The following GALNTL6 variants were observed in gnomAD, a reference collection of about 807,000 sequenced individuals.
GALNTL6 encodes polypeptide N-acetylgalactosaminyltransferase-like 6.
Under a neutral mutation model 73.7 loss-of-function variants are expected in GALNTL6, and 46 were observed. The ratio of observed to expected loss-of-function variants is 0.62; its 90% CI spans 0.49 to 0.80. The LOEUF (loss-of-function observed/expected upper bound fraction) is 0.80, where lower values mean the gene tolerates loss of function less well. GALNTL6 is among the 30% of genes least tolerant of loss of function. GALNTL6 has a pLI of 0.00. For synonymous variants in GALNTL6, 259 were observed against 263.7 expected, an observed-to-expected ratio of 0.98 and a Z score of 0.17; for missense variants, 604 against 755.0, an observed-to-expected ratio of 0.80 and a Z score of 2.34.
chr4:172,512,681 T>C (rs1034252883), intron 5 of GALNTL6, among the ~76,000 whole-genome samples: 1 of 152,154 alleles, frequency 6.6e-6, no homozygotes, highest in Non-Finnish European at 1.5e-5. Flanking sequence ...AAAAAGACTG[T>C]ATCTTTCCTT....
intron 5 of GALNTL6, among the ~76,000 whole-genome samples, chr4:172,462,561 G>T (rs970856180): frequency 6.6e-6 from 1 of 152,164 alleles, no homozygotes; most frequent in Non-Finnish European, 1.5e-5. Flanking sequence ...CTTAGGGAGT[G>T]TGCCTGCCAA....
chr4:171,892,366 G>A (rs74746148), intron 2 of GALNTL6, among the ~76,000 whole-genome samples: 3,025 of 152,100 alleles, frequency 0.02, 86 homozygotes, highest in African/African-American at 0.069. Context: ...CCTCTAAACA[G>A]GGACACATGT....
At chr4:172,443,574 G>A (rs1731916759) in intron 5 of GALNTL6, among the ~76,000 whole-genome samples, 2 of 152,018 alleles carry the variant, frequency 1.3e-5, no homozygotes, top group South Asian at 4.1e-4. Flanking sequence ...TAATAAAGTA[G>A]TAATATTATA....
Position 172,244,907 on chromosome 4 carries a change from T to A in GALNTL6, c.247+15143T>A, listed in dbSNP as rs569029296. ...CTTTTGCAAAAATCCCTTTCATGTG[T>A]TAGTAGTTGTGATTACTATCAAATT... On this transcript the variant is annotated intron_variant, in intron 3 of 12. Coordinates refer to ENST00000506823, the MANE Select transcript of GALNTL6 (RefSeq NM_001034845.3). 2.6e-5 allele frequency among the ~76,000 whole-genome samples: 4 copies of A among 152,322 alleles called. No individual in the cohort carries two copies. In the South Asian group the frequency reaches 8.3e-4, roughly 32 times the overall value.
intron 2 of GALNTL6, among the ~76,000 whole-genome samples, chr4:171,969,768 C>CT (rs34630281): frequency 0.44 from 63,549 of 143,766 alleles, 14,074 homozygotes; most frequent in Middle Eastern, 0.56. Flanking sequence ...CTCCAAACCA[C>CT]TTTTTTTTTT....
chr4:172,745,446 T>TATATATATATATAC (rs34523518), intron 5 of GALNTL6, among the ~76,000 whole-genome samples: 1 of 145,244 alleles, frequency 6.9e-6, no homozygotes, highest in African/African-American at 2.6e-5. Context: ...TATATATATG[T>TATATATATATATAC]ACACATAACT....
intron 2 of GALNTL6, among the ~76,000 whole-genome samples, chr4:172,057,943 A>T (rs1731079289): frequency 6.6e-6 from 1 of 151,256 alleles, no homozygotes; most frequent in Admixed American, 6.6e-5. Flanking sequence ...TTTTCCGCAC[A>T]TGTTTTTATT....
At chr4:171,901,778 GA>G (rs1336570411) in intron 2 of GALNTL6, among the ~76,000 whole-genome samples, 2 of 152,046 alleles carry the variant, frequency 1.3e-5, no homozygotes, top group Non-Finnish European at 2.9e-5. Context: ...TATTAATCAA[GA>G]TATCTTCTAA....
intron 3 of GALNTL6, among the ~76,000 whole-genome samples, chr4:172,289,997 C>G (rs1739406464): frequency 6.6e-6 from 1 of 152,106 alleles, no homozygotes; most frequent in Non-Finnish European, 1.5e-5. Context: ...GAGTTATTTT[C>G]CTAGGATTCA....
At chr4:172,567,465 A>G (rs1231952021) in intron 5 of GALNTL6, among the ~76,000 whole-genome samples, 1 of 152,224 alleles carries the variant, frequency 6.6e-6, no homozygotes, top group Non-Finnish European at 1.5e-5. Context: ...TTCACAAAAC[A>G]GCTTGCTTAT....
intron 5 of GALNTL6, among the ~76,000 whole-genome samples, chr4:172,732,620 T>C (rs142939324): frequency 5.4e-4 from 82 of 152,340 alleles, no homozygotes; most frequent in African/African-American, 1.8e-3. Context: ...TTTCTTACTG[T>C]CTTCCTTTTG....
At chr4:172,069,553 A>ATGTTATATATAACACATATGTG (rs1560909574) in intron 2 of GALNTL6, among the ~76,000 whole-genome samples, 1 of 17,630 alleles carries the variant, frequency 5.7e-5, no homozygotes, top group Non-Finnish European at 1.6e-4. Context: ...TAACACATAT[A>ATGTTATATATAACACATATGTG]TGTTATATAT....
chr4:171,996,080 C>T (rs2110747964), intron 2 of GALNTL6, among the ~76,000 whole-genome samples: 1 of 152,164 alleles, frequency 6.6e-6, no homozygotes, highest in South Asian at 2.1e-4. Flanking sequence ...CACTTGCTTA[C>T]ATAAACAGAA....
chr4:172,650,360 G>A (rs960063742), intron 5 of GALNTL6, among the ~76,000 whole-genome samples: 5 of 152,154 alleles, frequency 3.3e-5, no homozygotes, highest in South Asian at 2.1e-4. Flanking sequence ...GATAAAAGTC[G>A]CAATGTCACT....
chr4:172,422,089 A>G (rs536996856), intron 5 of GALNTL6, among the ~76,000 whole-genome samples: 2 of 152,230 alleles, frequency 1.3e-5, no homozygotes, highest in African/African-American at 2.4e-5. Context: ...AGCATTTCTG[A>G]AATAGCTTTT....
At chr4:171,841,968 G>A (rs1735249349) in intron 2 of GALNTL6, among the ~76,000 whole-genome samples, 1 of 151,932 alleles carries the variant, frequency 6.6e-6, no homozygotes, top group Non-Finnish European at 1.5e-5. Flanking sequence ...TTTCATGAAA[G>A]TATGTATATT....
At chr4:172,486,699 C>T (rs944867004) in intron 5 of GALNTL6, among the ~76,000 whole-genome samples, 4 of 152,200 alleles carry the variant, frequency 2.6e-5, no homozygotes, top group Non-Finnish European at 4.4e-5. Context: ...AAGAATTCTA[C>T]GCATATTTCC....
chr4:172,234,570 T>C (rs1367182438), intron 3 of GALNTL6, among the ~76,000 whole-genome samples: 1 of 152,184 alleles, frequency 6.6e-6, no homozygotes, highest in Non-Finnish European at 1.5e-5. Context: ...TTTGCATTTA[T>C]TAACATAGAT....
At position 171,930,328 on chromosome 4, in the gene GALNTL6, TGAA is replaced by T. The variant is rs1204980514; in HGVS notation, c.138+115614_138+115616del. Among the ~76,000 whole-genome samples the T allele has an allele frequency of 6.6e-5, 10 of 152,176 alleles. No individual in the cohort carries two copies. The South Asian group carries it at 1.7e-3, about 25-fold the overall frequency. ...AGACCTCACTGATGAAAATCACAGC[TGAA>T]GAAACTGCAATGAAGACCATGCTAC... is the stretch of plus-strand genomic sequence containing the variant. On this transcript the variant is annotated intron_variant, in intron 2 of 12. Transcript: ENST00000506823.
Sources: allele counts gnomAD v4.1 joint callset (sites outside exome capture counted in the v4.1 genomes callset), GRCh38; gene constraint gnomAD v4.1.1; transcripts MANE v1.5; gene names NCBI Gene and HGNC (gene_info 2026-07-23, HGNC 2026-07-21).